Variants in DPEP1 observed in about 807,000 individuals in gnomAD.
DPEP1 encodes the protein dipeptidase 1.
DPEP1 carries 50 observed loss-of-function variants against 42.3 expected under a neutral mutation model. The observed-to-expected ratio is 1.18, with a 90% CI of 0.94 to 1.50. The LOEUF is 1.50. Among genes scored for constraint, DPEP1 ranks in the 40% most tolerant of loss-of-function variants. DPEP1 has a pLI of 0.00. For synonymous variants in DPEP1, 297 were observed against 234.0 expected, an observed-to-expected ratio of 1.27 and a Z score of -2.46; for missense variants, 663 against 553.0, an observed-to-expected ratio of 1.20 and a Z score of -1.99.
chr16:89,640,797 T>C (rs1456044686), downstream of DPEP1, among the ~76,000 whole-genome samples: 1 of 151,952 alleles, frequency 6.6e-6, no homozygotes, highest in Non-Finnish European at 1.5e-5. Context: ...CGAGCGATCA[T>C]AGAAATAAAG....
In DPEP1 at chr16:89,638,396, A is replaced by C; in HGVS notation, c.*174A>C. The C allele has an allele frequency of 7.2e-7, 1 of 1,387,248 alleles. No homozygotes were observed. The highest frequency in any genetic ancestry group is 9.3e-7 in the Non-Finnish European group (1 of 1,076,716). 85.9% of individuals were successfully genotyped at this position (1,387,248 alleles called of 1,614,324 possible). On this transcript the variant is annotated 3_prime_UTR_variant, in exon 11 of 11. Transcript: ENST00000690203. ...TGCCTGGGGACAGTTCAGGACACAC[A>C]CACAGTAGGCCCGCAATAAAAGCAA... is the stretch of plus-strand genomic sequence containing the variant.
Position 89,630,348 on chromosome 16 carries a change from G to T in DPEP1, c.-63G>T, listed in dbSNP as rs1319008790. 24 of 1,419,870 alleles carry T rather than the reference G, an allele frequency of 1.7e-5. No homozygotes were observed. The highest frequency in any genetic ancestry group is 2.2e-5 in the Non-Finnish European group (22 of 1,019,808). The allele number at this position is 1,419,870 out of a possible 1,614,324, so 88.0% of individuals were successfully genotyped here. A position where few individuals can be genotyped will look rare whatever the true frequency, so the allele number is the denominator to read the frequency against. The stretch of plus-strand genomic sequence containing the variant: ...GCCTGAAGCTCATCCTTCTGCACGG[G>T]CCAGCCAGGCCAGCACAGAGGCACC... On this transcript the variant is annotated 5_prime_UTR_variant, in exon 2 of 11. Coordinates refer to ENST00000690203, the MANE Select transcript of DPEP1 (RefSeq NM_001389466.1).
intron 1 of DPEP1, among the ~76,000 whole-genome samples, chr16:89,615,662 C>T (rs1004589146): frequency 2.0e-5 from 3 of 152,318 alleles, no homozygotes; most frequent in Admixed American, 1.3e-4. Context: ...GAAGTGAGCC[C>T]CCAGGACCCC....
intron 8 of DPEP1, 30 bp from the exon 9 acceptor site, chr16:89,637,602 C>G: frequency 1.2e-6 from 2 of 1,612,774 alleles, no homozygotes; most frequent in South Asian, 1.1e-5. Flanking sequence ...GGGCCTCACT[C>G]GGGACCCATA....
At chr16:89,641,102 C>T (rs1378678220), downstream of DPEP1, among the ~76,000 whole-genome samples, 1 of 152,224 alleles carries the variant, frequency 6.6e-6, no homozygotes, top group Admixed American at 6.5e-5. Context: ...TTCACTAATT[C>T]TGCTACTGCT....
chr16:89,635,975 C>T lies in DPEP1; in HGVS notation c.172C>T (p.Leu58=). 1 of 1,612,396 alleles carries T rather than the reference C, an allele frequency of 6.2e-7. No homozygotes were observed. The highest frequency in any genetic ancestry group is 8.5e-7 in the Non-Finnish European group (1 of 1,179,772). The change falls in exon 3 of 11, where the codon CTG becomes TTG. Residue 58 remains leucine (L), a synonymous_variant. Coordinates refer to ENST00000690203, the MANE Select transcript of DPEP1 (RefSeq NM_001389466.1). ...NNRLQDERAN[L]TTLAGTHTNI... ...CCGGCTGCAGGACGAGAGGGCCAAC[C>T]TGACCACCTTGGCCGGCACACACAC...
chr16:89,625,343 T>C (rs2059495624), intron 1 of DPEP1, among the ~76,000 whole-genome samples: 2 of 151,556 alleles, frequency 1.3e-5, no homozygotes, highest in African/African-American at 2.4e-5. Context: ...AGGGGGGAGG[T>C]ACCAGGCTCG....
In DPEP1 at chr16:89,631,555, A is replaced by G. The variant is rs139610706; in HGVS notation, c.104+1041A>G. On this transcript the variant is annotated intron_variant, in intron 2 of 10. Coordinates refer to ENST00000690203, the MANE Select transcript of DPEP1 (RefSeq NM_001389466.1). ...GCAGGGAAACCCGATGTCTTGTCGC[A>G]TAAGAACTTCAGGGAACAGTCCAGG... 1.4e-4 allele frequency among the ~76,000 whole-genome samples: 21 copies of G among 152,340 alleles called. No individual in the cohort carries two copies. In the East Asian group the frequency reaches 3.9e-3, roughly 28 times the overall value.
At chr16:89,635,451 G>A (rs971991391) in intron 2 of DPEP1, among the ~76,000 whole-genome samples, 1 of 152,188 alleles carries the variant, frequency 6.6e-6, no homozygotes, top group Admixed American at 6.5e-5. Flanking sequence ...CCAAGGTCAG[G>A]CCGTTCCAAT....
chr16:89,641,222 G>GT (rs914096920), downstream of DPEP1, among the ~76,000 whole-genome samples: 35 of 25,204 alleles, frequency 1.4e-3, no homozygotes, highest in African/African-American at 7.8e-3. Context: ...GAGGGCTGCG[G>GT]GGGGGGGTTG....
chr16:89,636,834 A>G (rs987806120), intron 5 of DPEP1, 32 bp from the exon 6 acceptor site: 1 of 1,611,262 alleles, frequency 6.2e-7, no homozygotes. Context: ...ACCACCGCTC[A>G]CCTCTTGGGC....
intron 1 of DPEP1, among the ~76,000 whole-genome samples, chr16:89,625,878 C>T (rs913666840): frequency 6.6e-6 from 1 of 152,188 alleles, no homozygotes; most frequent in Non-Finnish European, 1.5e-5. Context: ...CTCACCCACG[C>T]TGCCCTTGAA....
At chr16:89,618,546 G>A (rs983796539) in intron 1 of DPEP1, among the ~76,000 whole-genome samples, 1 of 152,018 alleles carries the variant, frequency 6.6e-6, no homozygotes, top group Non-Finnish European at 1.5e-5. Flanking sequence ...ATTTAGTTTT[G>A]AGACAGGGTC....
chr16:89,637,444 C>T lies in DPEP1; in HGVS notation c.769-24C>T, dbSNP rs112081496. The T allele has an allele frequency of 4.3e-5, 70 of 1,612,832 alleles. 1 individual carries two copies. In the African/African-American group the frequency reaches 4.9e-4, roughly 11 times the overall value. On this transcript the variant is annotated intron_variant, in intron 7 of 10. Coordinates refer to ENST00000690203, the MANE Select transcript of DPEP1 (RefSeq NM_001389466.1). ...GGCAGGCCCTCCCAGCTCTCAGCTT[C>T]ACCCTGTCTTCCTTCTTGTGCAGAA... is the stretch of plus-strand genomic sequence containing the variant.
rs2151501455 is a variant in DPEP1 at position 89,636,268 on chromosome 16, G to A, written c.242G>A (p.Trp81Ter). The change falls in exon 4 of 11, where the codon TGG becomes TAG. Residue 81 changes from tryptophan to a stop codon, truncating the protein, a stop_gained. Transcript: ENST00000690203. LOFTEE classifies it high-confidence loss of function. The part of the protein sequence containing the change: ...LRAGFVGGQF[W>*]SVYTPCDTQN... ...GGCACCCCCTGCGGCCCACAGTTCT[G>A]GTCCGTGTACACGCCCTGCGACACC... The A allele has an allele frequency of 6.2e-7, 1 of 1,608,116 alleles. No individual in the cohort carries two copies. Among genetic ancestry groups the A allele is most frequent in the African/African-American group, 1.3e-5 (1 of 74,994 alleles).
At chr16:89,637,800 A>G in intron 9 of DPEP1, 36 bp from the exon 10 acceptor site, 2 of 1,612,546 alleles carry the variant, frequency 1.2e-6, no homozygotes, top group Non-Finnish European at 1.7e-6. Flanking sequence ...CCTGTGTCCT[A>G]GTGTGGGGGC....
At chr16:89,620,028 CT>C (rs991188463) in intron 1 of DPEP1, among the ~76,000 whole-genome samples, 1 of 148,694 alleles carries the variant, frequency 6.7e-6, no homozygotes, top group Non-Finnish European at 1.5e-5. Flanking sequence ...GTATGCCCCC[CT>C]CCCGCCGCAA....
At chr16:89,635,281 A>G (rs1175616260) in intron 2 of DPEP1, among the ~76,000 whole-genome samples, 2 of 151,522 alleles carry the variant, frequency 1.3e-5, no homozygotes, top group Non-Finnish European at 2.9e-5. Context: ...CTCCTGGGAA[A>G]ACCTTGGAGA....
chr16:89,639,780 G>A (rs542314627), downstream of DPEP1, among the ~76,000 whole-genome samples: 1 of 152,046 alleles, frequency 6.6e-6, no homozygotes, highest in Non-Finnish European at 1.5e-5. Context: ...CCGTCTCCCA[G>A]GTTCAAGTAA....
Sources: gnomAD v4.1 joint callset for allele counts (sites outside exome capture counted in the v4.1 genomes callset) on GRCh38, gnomAD v4.1.1 for gene constraint, MANE v1.5 for transcripts, NCBI Gene and HGNC (gene_info 2026-07-23, HGNC 2026-07-21) for gene names.